Variants in ATF3 observed in about 807,000 individuals in gnomAD.
ATF3 encodes the protein cyclic AMP-dependent transcription factor ATF-3.
A neutral mutation model predicts 18.4 loss-of-function variants in ATF3; 10 were observed. The observed-to-expected ratio is 0.54, with a 90% CI of 0.34 to 0.92. The LOEUF (loss-of-function observed/expected upper bound fraction) is 0.92, where lower values mean the gene tolerates loss of function less well. Ranked by LOEUF, ATF3 falls within the 40% of genes least tolerant of loss-of-function variation. The probability of loss-of-function intolerance (pLI) is 0.02; values close to 1 mark genes in which losing one functional copy is unlikely to be tolerated. For synonymous variants in ATF3, 78 were observed against 87.9 expected, an observed-to-expected ratio of 0.89 and a Z score of 0.63; for missense variants, 183 against 222.3, an observed-to-expected ratio of 0.82 and a Z score of 1.12.
chr1:212,600,793 C>T (rs951032283), intron 1 of ATF3, among the ~76,000 whole-genome samples: 1 of 152,154 alleles, frequency 6.6e-6, no homozygotes, highest in African/African-American at 2.4e-5. Context: ...GGCAGATATG[C>T]ATCACTGTGT....
rs1571758802 is a variant in ATF3, at chr1:212,576,994, G to T, written c.-5+11511G>T. On this transcript the variant is annotated intron_variant, in intron 1 of 3. Coordinates refer to the ATF3 transcript ENST00000366981. ...AATCCACCCGCCTTGGCCTCCCAAAGTACCGGGATTACAGGCGTGAGCCAC... is the reference window on the plus strand; with the variant it reads ...AATCCACCCGCCTTGGCCTCCCAAATTACCGGGATTACAGGCGTGAGCCAC... Among the ~76,000 whole-genome samples the T allele has an allele frequency of 2.0e-5, 3 of 151,888 alleles. No homozygotes were observed. In the South Asian group the frequency reaches 6.2e-4, roughly 32 times the overall value.
intron 1 of ATF3, among the ~76,000 whole-genome samples, chr1:212,587,013 G>A (rs1664792029): frequency 6.6e-6 from 1 of 152,162 alleles, no homozygotes; most frequent in Non-Finnish European, 1.5e-5. Context: ...GGGACTTTCT[G>A]TCTCTGACGA....
intron 1 of ATF3, among the ~76,000 whole-genome samples, chr1:212,614,750 G>A (rs960437676): frequency 6.6e-6 from 1 of 152,204 alleles, no homozygotes; most frequent in African/African-American, 2.4e-5. Context: ...AAAACTCATA[G>A]ATCTTGTGAA....
chr1:212,597,942 G>A (rs1036526795), intron 1 of ATF3, among the ~76,000 whole-genome samples: 3 of 152,152 alleles, frequency 2.0e-5, no homozygotes, highest in Non-Finnish European at 4.4e-5. Context: ...TTCAAGGAGT[G>A]CTTGATACAT....
At chr1:212,566,961 C>T (rs1664393199) in intron 1 of ATF3, among the ~76,000 whole-genome samples, 1 of 152,162 alleles carries the variant, frequency 6.6e-6, no homozygotes, top group African/African-American at 2.4e-5. Flanking sequence ...TCACAGATTC[C>T]CTAGAGAAAG....
intron 1 of ATF3, among the ~76,000 whole-genome samples, chr1:212,599,594 T>C (rs1223102722): frequency 6.6e-6 from 1 of 152,190 alleles, no homozygotes; most frequent in Non-Finnish European, 1.5e-5. Context: ...TTTCCATTAC[T>C]TTGATATCCC....
At chr1:212,607,404 C>T (rs946877676), upstream of ATF3, among the ~76,000 whole-genome samples, 1 of 152,234 alleles carries the variant, frequency 6.6e-6, no homozygotes, top group Admixed American at 6.5e-5. Context: ...TAGTCATCCA[C>T]GGGCAGTCAA....
At chr1:212,569,466 A>T (rs923767175) in intron 1 of ATF3, among the ~76,000 whole-genome samples, 1 of 152,220 alleles carries the variant, frequency 6.6e-6, no homozygotes, top group African/African-American at 2.4e-5. Flanking sequence ...CCTTACTAGG[A>T]TGAAAGACAG....
upstream of ATF3, among the ~76,000 whole-genome samples, chr1:212,604,359 T>A (rs1407826433): frequency 6.6e-6 from 1 of 152,178 alleles, no homozygotes; most frequent in African/African-American, 2.4e-5. Flanking sequence ...AATGGGAATA[T>A]CTGCTACCTG....
Position 212,615,208 on chromosome 1 carries a change from G to T in ATF3, c.187G>T (p.Glu63Ter). 1 of 1,614,190 alleles carries T rather than the reference G, an allele frequency of 6.2e-7. No individual in the cohort carries two copies. Among genetic ancestry groups the T allele is most frequent in the Non-Finnish European group, 8.5e-7 (1 of 1,180,040 alleles). ...CTGCCACCGGATGTCCTCTGCGCTG[G>T]AATCAGTCACTGTCAGCGACAGACC... ...HLCHRMSSALESVTVSDRPLG... is the reference protein window; with the variant it reads ...HLCHRMSSAL The change falls in exon 2 of 4, where the codon GAA (glutamate) becomes TAA (stop). Residue 63 changes from glutamate (E) to a stop codon, truncating the protein, a stop_gained. Coordinates refer to ENST00000341491, the MANE Select transcript of ATF3 (RefSeq NM_001674.4). LOFTEE classifies it high-confidence loss of function.
chr1:212,590,546 C>G (rs1221185363), intron 1 of ATF3, among the ~76,000 whole-genome samples: 1 of 151,968 alleles, frequency 6.6e-6, no homozygotes, highest in Non-Finnish European at 1.5e-5. Context: ...TGGGGTGAGC[C>G]CTGCTAGTTT....
intron 1 of ATF3, among the ~76,000 whole-genome samples, chr1:212,596,365 T>G (rs542457101): frequency 6.6e-6 from 1 of 152,388 alleles, no homozygotes; most frequent in Non-Finnish European, 1.5e-5. Flanking sequence ...ATCAGAGAGA[T>G]GTTTCTAAGA....
At chr1:212,578,441 TA>T (rs1664622053) in intron 1 of ATF3, among the ~76,000 whole-genome samples, 1 of 152,242 alleles carries the variant, frequency 6.6e-6, no homozygotes, top group African/African-American at 2.4e-5. Context: ...TGTCTCTTAA[TA>T]CTTTCTCTTC....
At chr1:212,592,431 T>G (rs1404216478) in intron 1 of ATF3, among the ~76,000 whole-genome samples, 1 of 138,370 alleles carries the variant, frequency 7.2e-6, no homozygotes, top group Non-Finnish European at 1.6e-5. Flanking sequence ...AGTATGTCTT[T>G]AAATGTCATT....
At chr1:212,571,221 A>G (rs1010608697) in intron 1 of ATF3, among the ~76,000 whole-genome samples, 2 of 152,076 alleles carry the variant, frequency 1.3e-5, no homozygotes, top group Non-Finnish European at 2.9e-5. Flanking sequence ...AAGTTATTGA[A>G]CATTTTTTCA....
Position 212,582,454 on chromosome 1 carries a change from G to C in ATF3, c.-5+16971G>C, listed in dbSNP as rs555675794. Among the ~76,000 whole-genome samples the C allele has an allele frequency of 3.9e-5, 6 of 152,356 alleles. 2 individuals are homozygous for C. Among genetic ancestry groups the C allele is most frequent in the African/African-American group, 1.4e-4 (6 of 41,574 alleles). On this transcript the variant is annotated intron_variant, in intron 1 of 3. Coordinates refer to the ATF3 transcript ENST00000366981. Reference sequence around the variant, plus strand: ...GGCAGCCTTCAGAACTTCTCCAAGGGGAGGGCTGTGTGGGTTCTCCCCCAC... The same window carrying C: ...GGCAGCCTTCAGAACTTCTCCAAGGCGAGGGCTGTGTGGGTTCTCCCCCAC...
chr1:212,615,394 C>A, intron 2 of ATF3, 133 bp downstream of exon 2: 1 of 1,165,994 alleles, frequency 8.6e-7, no homozygotes, highest in Non-Finnish European at 1.2e-6. Flanking sequence ...GGGAGCTTAC[C>A]TTCTCCTGGG....
chr1:212,581,883 G>A (rs564231189), intron 1 of ATF3, among the ~76,000 whole-genome samples: 2 of 152,196 alleles, frequency 1.3e-5, no homozygotes, highest in South Asian at 4.1e-4. Flanking sequence ...TATTTTCGAG[G>A]AATAGACATC....
chr1:212,585,286 A>G (rs1558228565), intron 1 of ATF3, among the ~76,000 whole-genome samples: 2 of 152,138 alleles, frequency 1.3e-5, no homozygotes, highest in Non-Finnish European at 2.9e-5. Context: ...ACCTCTCCAG[A>G]CTCAGCCTGG....
Sources: gnomAD v4.1 joint callset for allele counts (sites outside exome capture counted in the v4.1 genomes callset) on GRCh38, gnomAD v4.1.1 for gene constraint, MANE v1.5 for transcripts, NCBI Gene and HGNC (gene_info 2026-07-23, HGNC 2026-07-21) for gene names.